Variants in TMEFF2 observed in about 807,000 individuals in gnomAD.
TMEFF2 encodes the protein tomoregulin-2.
Under a neutral mutation model 53.8 loss-of-function variants are expected in TMEFF2, and 28 were observed. The observed-to-expected ratio is 0.52, with a 90% CI of 0.39 to 0.71. The LOEUF is 0.71. Ranked by LOEUF, TMEFF2 falls within the 30% of genes least tolerant of loss-of-function variation. TMEFF2 has a pLI of 0.00. For synonymous variants in TMEFF2, 162 were observed against 166.3 expected, an observed-to-expected ratio of 0.97 and a Z score of 0.20; for missense variants, 353 against 455.2, an observed-to-expected ratio of 0.78 and a Z score of 2.04.
intron 5 of TMEFF2, among the ~76,000 whole-genome samples, chr2:192,000,693 A>C (rs1392700565): frequency 2.0e-5 from 3 of 152,172 alleles, no homozygotes; most frequent in African/African-American, 7.2e-5. Flanking sequence ...TAGTCCTTAG[A>C]CCATCTGTGT....
intron 4 of TMEFF2, among the ~76,000 whole-genome samples, chr2:192,068,633 C>A (rs539614163): frequency 2.0e-5 from 3 of 151,884 alleles, no homozygotes; most frequent in Admixed American, 6.6e-5. Flanking sequence ...TATTTTCTCT[C>A]TTTTCTTATT....
At chr2:191,976,987 T>A (rs1023235395) in intron 7 of TMEFF2, among the ~76,000 whole-genome samples, 5 of 152,356 alleles carry the variant, frequency 3.3e-5, no homozygotes, top group Admixed American at 6.5e-5. Flanking sequence ...TATTTTAAAC[T>A]AATGTGTGTC....
chr2:192,171,967 C>T (rs1008041257), intron 4 of TMEFF2, among the ~76,000 whole-genome samples: 2 of 128,482 alleles, frequency 1.6e-5, no homozygotes, highest in South Asian at 5.3e-4. Flanking sequence ...CAATGTCCAC[C>T]TTCTTCCCTC....
At chr2:192,071,657 T>C (rs1190471015) in intron 4 of TMEFF2, among the ~76,000 whole-genome samples, 1 of 151,890 alleles carries the variant, frequency 6.6e-6, no homozygotes, top group Non-Finnish European at 1.5e-5. Context: ...AGTAATTGCA[T>C]ATAACCTATG....
intron 2 of TMEFF2, among the ~76,000 whole-genome samples, chr2:192,188,746 G>C (rs1417927746): frequency 6.6e-6 from 1 of 151,944 alleles, no homozygotes; most frequent in Non-Finnish European, 1.5e-5. Context: ...CATGACCAGG[G>C]TTATCTATAA....
intron 3 of TMEFF2, among the ~76,000 whole-genome samples, chr2:192,182,022 C>T (rs1281694003): frequency 1.3e-5 from 2 of 151,668 alleles, no homozygotes; most frequent in African/African-American, 2.4e-5. Flanking sequence ...TGCTGTTAGA[C>T]CTAAATCTGA....
chr2:192,017,465 G>A (rs1686767879), intron 5 of TMEFF2, among the ~76,000 whole-genome samples: 1 of 152,182 alleles, frequency 6.6e-6, no homozygotes, highest in Non-Finnish European at 1.5e-5. Flanking sequence ...ATATAGTGGA[G>A]AAATGTGGAG....
chr2:192,138,252 G>A (rs1690057715), intron 4 of TMEFF2, among the ~76,000 whole-genome samples: 1 of 152,188 alleles, frequency 6.6e-6, no homozygotes, highest in Non-Finnish European at 1.5e-5. Flanking sequence ...CCATAGAAAA[G>A]GCAAGAATAC....
At chr2:192,055,918 T>C (rs924166036) in intron 5 of TMEFF2, among the ~76,000 whole-genome samples, 3 of 152,180 alleles carry the variant, frequency 2.0e-5, no homozygotes, top group Non-Finnish European at 2.9e-5. Flanking sequence ...TAGAAGTGTT[T>C]GACAGGCATG....
At chr2:192,048,883 C>T (rs1350150780) in intron 5 of TMEFF2, among the ~76,000 whole-genome samples, 1 of 152,198 alleles carries the variant, frequency 6.6e-6, no homozygotes, top group African/African-American at 2.4e-5. Flanking sequence ...AGTCTAGTAA[C>T]ATTCTCATCT....
chr2:192,081,716 A>G (rs1476143447), intron 4 of TMEFF2, among the ~76,000 whole-genome samples: 1 of 152,018 alleles, frequency 6.6e-6, no homozygotes, highest in Non-Finnish European at 1.5e-5. Flanking sequence ...AATGGAGGAA[A>G]TTGTCTTCAA....
intron 7 of TMEFF2, among the ~76,000 whole-genome samples, chr2:191,967,372 A>G (rs1260224015): frequency 6.6e-6 from 1 of 152,138 alleles, no homozygotes; most frequent in East Asian, 1.9e-4. Context: ...TATAAACACA[A>G]TTCTACTATG....
At chr2:192,008,628 G>T (rs924184902) in intron 5 of TMEFF2, among the ~76,000 whole-genome samples, 2 of 152,182 alleles carry the variant, frequency 1.3e-5, no homozygotes, top group African/African-American at 4.8e-5. Context: ...GAGTCAGGAA[G>T]CATGAAAACC....
intron 4 of TMEFF2, among the ~76,000 whole-genome samples, chr2:192,133,516 C>A (rs1023743762): frequency 2.6e-5 from 4 of 152,318 alleles, no homozygotes; most frequent in Middle Eastern, 3.4e-3. Flanking sequence ...TTTTAGCTGT[C>A]CTAAAACCAG....
intron 5 of TMEFF2, among the ~76,000 whole-genome samples, chr2:192,029,784 T>A (rs938537910): frequency 6.6e-6 from 1 of 152,228 alleles, no homozygotes; most frequent in African/African-American, 2.4e-5. Flanking sequence ...AACATACCCA[T>A]TGCATGTTGA....
At position 191,949,754 on chromosome 2, in the gene TMEFF2, G is replaced by GGAA; in HGVS notation, c.*554_*556dup. On this transcript the variant is annotated 3_prime_UTR_variant, in exon 10 of 10. Coordinates refer to ENST00000272771, the MANE Select transcript of TMEFF2 (RefSeq NM_016192.4). ...TCTAGGGATGAAAATGGAAGACCAG[G>GGAA]GAAGAAAGTTGATGAAATAGAGATG... 1 of 985,230 alleles carries GGAA rather than the reference G, an allele frequency of 1.0e-6. No homozygotes were observed. Among genetic ancestry groups the GGAA allele is most frequent in the Non-Finnish European group, 1.2e-6 (1 of 829,826 alleles). The allele number at this position is 985,230 out of a possible 1,614,324, so 61.0% of individuals were successfully genotyped here.
chr2:192,095,716 A>G (rs1228450390), intron 4 of TMEFF2, among the ~76,000 whole-genome samples: 1 of 152,212 alleles, frequency 6.6e-6, no homozygotes, highest in Non-Finnish European at 1.5e-5. Flanking sequence ...AATATCAGTT[A>G]TTCAACCTAC....
At chr2:192,024,809 T>C (rs756584715) in intron 5 of TMEFF2, among the ~76,000 whole-genome samples, 37 of 152,210 alleles carry the variant, frequency 2.4e-4, no homozygotes, top group Non-Finnish European at 1.2e-4. Flanking sequence ...ACTGTTGAAA[T>C]GCTGTAGCAT....
chr2:192,181,498 T>C (rs1022894263), intron 3 of TMEFF2, among the ~76,000 whole-genome samples: 1 of 151,776 alleles, frequency 6.6e-6, no homozygotes, highest in African/African-American at 2.4e-5. Context: ...ACCTTACTCA[T>C]TGCATGACAG....
Sources: gnomAD v4.1 joint callset for allele counts (sites outside exome capture counted in the v4.1 genomes callset) on GRCh38, gnomAD v4.1.1 for gene constraint, MANE v1.5 for transcripts, NCBI Gene and HGNC (gene_info 2026-07-23, HGNC 2026-07-21) for gene names.